The following ADGRL3 variants were observed in gnomAD, a reference collection of about 807,000 sequenced individuals.
ADGRL3 encodes adhesion G protein-coupled receptor L3, also known as calcium-independent alpha-latrotoxin receptor 3.
In ADGRL3, 62 loss-of-function variants were observed where a neutral mutation model predicts 153.5. The observed-to-expected ratio is 0.40, with a 90% confidence interval of 0.33 to 0.50. The LOEUF (loss-of-function observed/expected upper bound fraction) is 0.50. ADGRL3 is among the 20% of genes least tolerant of loss of function. ADGRL3 has a pLI of 0.47. For missense variants in ADGRL3, 1,641 were observed against 1,859.4 expected, an observed-to-expected ratio of 0.88 and a Z score of 2.16; for synonymous variants, 710 against 672.5, an observed-to-expected ratio of 1.06 and a Z score of -0.86.
At chr4:61,400,153 A>G (rs181384664) in intron 2 of ADGRL3, among the ~76,000 whole-genome samples, 1 of 151,872 alleles carries the variant, frequency 6.6e-6, no homozygotes, top group Non-Finnish European at 1.5e-5. Context: ...GCAGTTAAAT[A>G]AAAAGATTTT....
At chr4:61,714,918 C>T (rs923925312) in intron 6 of ADGRL3, among the ~76,000 whole-genome samples, 1 of 152,086 alleles carries the variant, frequency 6.6e-6, no homozygotes, top group Admixed American at 6.6e-5. Flanking sequence ...AACTGGAATG[C>T]TATGTCACAT....
intron 8 of ADGRL3, among the ~76,000 whole-genome samples, chr4:61,774,226 A>G (rs2097119548): frequency 6.6e-6 from 1 of 151,818 alleles, no homozygotes; most frequent in Non-Finnish European, 1.5e-5. Flanking sequence ...GCACGGTGGC[A>G]GGTACCTATA....
At chr4:62,064,592 G>A (rs927363485) in intron 25 of ADGRL3, among the ~76,000 whole-genome samples, 1 of 151,436 alleles carries the variant, frequency 6.6e-6, no homozygotes, top group African/African-American at 2.4e-5. Context: ...CTTTCAAGTT[G>A]AATGTGATTG....
chr4:61,754,087 A>C (rs1432888026), intron 8 of ADGRL3, among the ~76,000 whole-genome samples: 3 of 152,196 alleles, frequency 2.0e-5, no homozygotes, highest in African/African-American at 7.2e-5. Flanking sequence ...GTCCAAGGCC[A>C]GTTTCGAAGG....
intron 2 of ADGRL3, among the ~76,000 whole-genome samples, chr4:61,494,900 A>G (rs906307294): frequency 1.3e-5 from 2 of 152,186 alleles, no homozygotes; most frequent in East Asian, 1.9e-4. Flanking sequence ...ATGGATTCAC[A>G]TTGAAAGGAT....
At chr4:61,562,725 G>A (rs548967464) in intron 4 of ADGRL3, among the ~76,000 whole-genome samples, 2 of 151,932 alleles carry the variant, frequency 1.3e-5, no homozygotes, top group Admixed American at 6.6e-5. Flanking sequence ...TATATCCTCC[G>A]CCAAAGTCTT....
chr4:61,427,003 C>T (rs1314173943), intron 2 of ADGRL3: 1 of 152,176 alleles, frequency 6.6e-6, no homozygotes, highest in African/African-American at 2.4e-5. Flanking sequence ...GGCACAAAGT[C>T]CCTGGTCCTG....
intron 9 of ADGRL3, among the ~76,000 whole-genome samples, chr4:61,886,844 G>A (rs1411793306): frequency 6.6e-6 from 1 of 151,078 alleles, no homozygotes. Flanking sequence ...GACAGGTTTA[G>A]CCATGTTGGC....
At chr4:61,464,364 T>C (rs1017927858) in intron 2 of ADGRL3, among the ~76,000 whole-genome samples, 8 of 152,226 alleles carry the variant, frequency 5.3e-5, no homozygotes, top group Non-Finnish European at 1.2e-4. Context: ...GAGTCATTAA[T>C]GTCTGTCTTA....
intron 11 of ADGRL3, among the ~76,000 whole-genome samples, chr4:61,903,049 G>A (rs537984554): frequency 9.2e-5 from 14 of 152,258 alleles, no homozygotes; most frequent in Admixed American, 6.5e-4. Context: ...ATAGATAAGC[G>A]GATGGAGATA....
chr4:61,689,828 A>G (rs2095507321), intron 6 of ADGRL3, among the ~76,000 whole-genome samples: 1 of 152,110 alleles, frequency 6.6e-6, no homozygotes, highest in Admixed American at 6.6e-5. Flanking sequence ...AACTTTCTCA[A>G]TATTATAAAA....
At chr4:61,786,795 A>G (rs1373637981) in intron 8 of ADGRL3, among the ~76,000 whole-genome samples, 1 of 152,184 alleles carries the variant, frequency 6.6e-6, no homozygotes, top group African/African-American at 2.4e-5. Flanking sequence ...TCACATATCT[A>G]GGCACACAGC....
At chr4:61,468,396 A>T (rs1390820537) in intron 2 of ADGRL3, among the ~76,000 whole-genome samples, 9 of 152,068 alleles carry the variant, frequency 5.9e-5, no homozygotes, top group African/African-American at 1.4e-4. Flanking sequence ...CTAGAGAAGG[A>T]TCTCTTTTTT....
chr4:61,586,369 C>CATAGTTAAATAATTTATATATTTATG (rs2098946708), intron 4 of ADGRL3, among the ~76,000 whole-genome samples: 1 of 151,738 alleles, frequency 6.6e-6, no homozygotes, highest in Non-Finnish European at 1.5e-5. Context: ...GAGCATAGGG[C>CATAGTTAAATAATTTATATATTTATG]ATAGTTAAAT....
chr4:61,708,491 TTTTA>T (rs1306857067), intron 6 of ADGRL3, among the ~76,000 whole-genome samples: 1 of 152,038 alleles, frequency 6.6e-6, no homozygotes, highest in Non-Finnish European at 1.5e-5. Context: ...TTTGTTTTTT[TTTTA>T]TTATTTGAAA....
intron 1 of ADGRL3, among the ~76,000 whole-genome samples, chr4:61,208,595 A>C (rs1034389809): frequency 5.3e-5 from 8 of 152,026 alleles, no homozygotes; most frequent in Middle Eastern, 3.4e-3. Context: ...ATAAAAGATA[A>C]TCGACTTTAT....
chr4:61,874,850 G>A lies in ADGRL3; in HGVS notation c.1481-17806G>A, dbSNP rs375175890. The stretch of plus-strand genomic sequence containing the variant: ...GGAGTCTCGCTCTGTCGCCCAGGCC[G>A]GACTGCGGACTGCAGTGGCGCAATC... On this transcript the variant is annotated intron_variant, in intron 9 of 26. Coordinates refer to ENST00000683033, the MANE Select transcript of ADGRL3 (RefSeq NM_001387552.1). 3.6e-3 allele frequency among the ~76,000 whole-genome samples: 434 copies of A among 121,480 alleles called. 7 individuals are homozygous for A. The highest frequency in any genetic ancestry group is 0.034 in the East Asian group (123 of 3,670). 79.7% of individuals were successfully genotyped at this position (121,480 alleles called of 152,430 possible).
intron 1 of ADGRL3, among the ~76,000 whole-genome samples, chr4:61,350,235 G>A (rs1222251926): frequency 2.0e-5 from 3 of 151,646 alleles, no homozygotes; most frequent in Non-Finnish European, 2.9e-5. Flanking sequence ...ATATAGTACA[G>A]TCATTATTGT....
intron 13 of ADGRL3, among the ~76,000 whole-genome samples, chr4:61,931,953 A>C (rs1292361297): frequency 6.6e-6 from 1 of 152,124 alleles, no homozygotes; most frequent in Non-Finnish European, 1.5e-5. Flanking sequence ...TAGATAAAGC[A>C]GTCTGTTGTA....
Sources: gnomAD v4.1 joint callset for allele counts (sites outside exome capture counted in the v4.1 genomes callset) on GRCh38, gnomAD v4.1.1 for gene constraint, MANE v1.5 for transcripts, NCBI Gene and HGNC (gene_info 2026-07-23, HGNC 2026-07-21) for gene names.